The following EGFR variants were observed in gnomAD, a reference collection of about 807,000 sequenced individuals.
The protein encoded by EGFR is avian erythroblastic leukemia viral (v-erb-b) oncogene homolog.
A neutral mutation model predicts 143.0 loss-of-function variants in EGFR; 58 were observed. The ratio of observed to expected loss-of-function variants is 0.41; its 90% CI spans 0.33 to 0.50. The LOEUF is 0.50. Ranked by LOEUF, EGFR falls within the 20% of genes least tolerant of loss-of-function variation. The pLI is 0.39. For missense variants in EGFR, 1,307 were observed against 1,579.0 expected (o/e 0.83, Z 2.92); for synonymous variants, 613 against 594.4 (o/e 1.03, Z -0.45).
intron 5 of EGFR, 41 bp from the exon 6 acceptor site, chr7:55,152,505 C>T (rs559096241): frequency 6.4e-7 from 1 of 1,559,012 alleles, no homozygotes; most frequent in African/African-American, 1.4e-5. Context: ...ATGATCCTAC[C>T]CTCACTCTTC....
intron 1 of EGFR, among the ~76,000 whole-genome samples, chr7:55,127,779 G>A (rs1045095099): frequency 5.3e-5 from 8 of 152,112 alleles, no homozygotes; most frequent in African/African-American, 1.9e-4. Context: ...CTGGTTACTG[G>A]CCTCAATAAC....
At chr7:55,150,444 C>T (rs748979704) in intron 4 of EGFR, among the ~76,000 whole-genome samples, 2 of 152,194 alleles carry the variant, frequency 1.3e-5, no homozygotes, top group Non-Finnish European at 2.9e-5. Context: ...TTCACAGTCA[C>T]ATGGGAGATC....
intron 11 of EGFR, among the ~76,000 whole-genome samples, chr7:55,158,494 C>T (rs766913405): frequency 6.6e-5 from 10 of 152,204 alleles, no homozygotes; most frequent in Non-Finnish European, 1.3e-4. Context: ...CTCTGAATCT[C>T]TGATACTAAA....
chr7:55,120,858 C>T (rs1793160438), intron 1 of EGFR, among the ~76,000 whole-genome samples: 1 of 152,174 alleles, frequency 6.6e-6, no homozygotes, highest in African/African-American at 2.4e-5. Flanking sequence ...TATAGGAAGA[C>T]ATTTGATGGA....
intron 1 of EGFR, 23 bp downstream of exon 1, chr7:55,019,388 C>T (rs775551456): frequency 1.4e-6 from 2 of 1,380,404 alleles, no homozygotes; most frequent in African/African-American, 3.0e-5. Flanking sequence ...CTCGCCGGCT[C>T]CCGCGCCGCC....
chr7:55,197,082 C>A (rs1181717817), intron 22 of EGFR, among the ~76,000 whole-genome samples: 1 of 152,146 alleles, frequency 6.6e-6, no homozygotes, highest in Non-Finnish European at 1.5e-5. Flanking sequence ...AACATTGAAT[C>A]TATAAAATAC....
intron 1 of EGFR, among the ~76,000 whole-genome samples, chr7:55,114,879 CTTTTTTTT>C (rs777244842): frequency 8.1e-6 from 1 of 122,770 alleles, no homozygotes; most frequent in African/African-American, 3.1e-5. Flanking sequence ...TTGTATTATT[CTTTTTTTT>C]TTTTTTTTTT....
chr7:55,211,566 A>G lies in EGFR; in HGVS notation c.*5949A>G, dbSNP rs1000516005. On this transcript the variant is annotated 3_prime_UTR_variant, in exon 28 of 28. Coordinates refer to ENST00000275493, the MANE Select transcript of EGFR (RefSeq NM_005228.5). ...TTGAGTATTAAAAAATTAGATGTAT[A>G]TTATTCATTGTTCTTTACTCCTGAG... The G allele has an allele frequency of 2.6e-5, 4 of 151,892 alleles. No individual in the cohort carries two copies. The highest frequency in any genetic ancestry group is 9.7e-5 in the African/African-American group (4 of 41,234). The allele number at this position is 151,892 out of a possible 1,614,324, so 9.4% of individuals were successfully genotyped here. A position where few individuals can be genotyped will look rare whatever the true frequency, so the allele number is the denominator to read the frequency against.
intron 22 of EGFR, among the ~76,000 whole-genome samples, chr7:55,196,870 T>C (rs1469433162): frequency 2.0e-5 from 3 of 152,154 alleles, no homozygotes; most frequent in African/African-American, 7.2e-5. Context: ...TTCATTGGTC[T>C]GTATGTCTGT....
In EGFR at chr7:55,019,254, G is replaced by T; in HGVS notation, c.-24G>T. On this transcript the variant is annotated 5_prime_UTR_variant, in exon 1 of 28. Transcript: ENST00000275493. ...CGTCCAGTATTGATCGGGAGAGCCG[G>T]AGCGAGCTCTTCGGGGAGCAGCGAT... 1 of 1,476,548 alleles carries T rather than the reference G, an allele frequency of 6.8e-7. No individual in the cohort carries two copies. The highest frequency in any genetic ancestry group is 3.0e-5 in the East Asian group (1 of 33,724). 91.5% of individuals were successfully genotyped at this position (1,476,548 alleles called of 1,614,324 possible).
Position 55,084,258 on chromosome 7 carries a change from G to C in EGFR, c.89-58028G>C, listed in dbSNP as rs77422134. The stretch of plus-strand genomic sequence containing the variant: ...CCAGGTCCTCTTCCAGGCTCATAAG[G>C]GTTCTTGGCAGAATTCAGTTTCTTG... On this transcript the variant is annotated intron_variant, in intron 1 of 27. Transcript: ENST00000275493. 5.4e-3 allele frequency among the ~76,000 whole-genome samples: 818 copies of C among 152,276 alleles called. 8 individuals carry two copies. The highest frequency in any genetic ancestry group is 0.018 in the African/African-American group (762 of 41,554).
intron 23 of EGFR, among the ~76,000 whole-genome samples, 174 bp from the exon 24 acceptor site, chr7:55,200,142 A>C (rs562121712): frequency 1.3e-5 from 2 of 152,368 alleles, no homozygotes; most frequent in East Asian, 3.9e-4. Context: ...CATGGTCTTT[A>C]AACAGTAACC....
At chr7:55,151,452 A>C in intron 5 of EGFR, 90 bp downstream of exon 5, 3 of 1,378,556 alleles carry the variant, frequency 2.2e-6, no homozygotes, top group Non-Finnish European at 3.1e-6. Context: ...CCCTCTGAAG[A>C]CTCCAAAGAG....
chr7:55,144,977 T>C (rs891371871), intron 3 of EGFR, among the ~76,000 whole-genome samples: 1 of 152,238 alleles, frequency 6.6e-6, no homozygotes, highest in Admixed American at 6.5e-5. Context: ...CTCCTTCCAC[T>C]TCCTTGGTAT....
intron 1 of EGFR, among the ~76,000 whole-genome samples, chr7:55,082,157 C>T (rs747218601): frequency 1.3e-5 from 2 of 152,092 alleles, no homozygotes; most frequent in African/African-American, 4.8e-5. Flanking sequence ...AGTGATCAAA[C>T]CAAAGTTATT....
rs538447477 is a variant in EGFR, at chr7:55,165,285, A to G, written c.1728A>G (p.Pro576=). 1 of 1,614,190 alleles carries G rather than the reference A, an allele frequency of 6.2e-7. No homozygotes were observed. Among genetic ancestry groups the G allele is most frequent in the Non-Finnish European group, 8.5e-7 (1 of 1,180,042 alleles). Residue 576 remains proline (P), a synonymous_variant, in exon 15 of 28, where the codon CCA becomes CCG. Coordinates refer to ENST00000275493, the MANE Select transcript of EGFR (RefSeq NM_005228.5). ...TTTTCTCCACCTTGGTGCAGGGACC[A>G]GACAACTGTATCCAGTGTGCCCACT... is the stretch of plus-strand genomic sequence containing the variant. The part of the protein sequence containing the change: ...AMNITCTGRG[P]DNCIQCAHYI...
At chr7:55,129,500 A>C (rs1420776741) in intron 1 of EGFR, among the ~76,000 whole-genome samples, 7 of 152,220 alleles carry the variant, frequency 4.6e-5, no homozygotes, top group African/African-American at 1.7e-4. Context: ...ACACACTCCT[A>C]GTCACTCAGA....
chr7:55,032,098 G>A (rs1446987820), intron 1 of EGFR, among the ~76,000 whole-genome samples: 27 of 152,094 alleles, frequency 1.8e-4, no homozygotes, highest in Admixed American at 1.7e-3. Context: ...TAGGTACCAC[G>A]TAATGTTATT....
intron 1 of EGFR, among the ~76,000 whole-genome samples, chr7:55,086,882 C>T (rs936695296): frequency 6.6e-6 from 1 of 152,170 alleles, no homozygotes; most frequent in Admixed American, 6.5e-5. Context: ...CCTCGTGCCT[C>T]TCTCCCTCAC....
Sources: allele counts gnomAD v4.1 joint callset (sites outside exome capture counted in the v4.1 genomes callset), GRCh38; gene constraint gnomAD v4.1.1; transcripts MANE v1.5; gene names NCBI Gene and HGNC (gene_info 2026-07-23, HGNC 2026-07-21).